The following KCNJ4 variants were observed in gnomAD, a reference collection of about 807,000 sequenced individuals.
The protein encoded by KCNJ4 is inward rectifier potassium channel 4.
KCNJ4 carries 3 observed loss-of-function variants against 25.6 expected under a neutral mutation model. That is an observed-to-expected ratio of 0.12 (90% confidence interval 0.05 to 0.30). The LOEUF (loss-of-function observed/expected upper bound fraction) is 0.30, where lower values mean the gene tolerates loss of function less well. Ranked by LOEUF, KCNJ4 falls within the 10% of genes least tolerant of loss-of-function variation. The pLI is 1.00. For synonymous variants in KCNJ4, 257 were observed against 283.9 expected (o/e 0.91, Z 0.95); for missense variants, 286 against 666.8 (o/e 0.43, Z 6.29).
chr22:38,434,553 G>A (rs563000055), intron 1 of KCNJ4, among the ~76,000 whole-genome samples: 1 of 152,142 alleles, frequency 6.6e-6, no homozygotes, highest in African/African-American at 2.4e-5. Context: ...AATCTAACTT[G>A]AGTCTGACTA....
intron 1 of KCNJ4, among the ~76,000 whole-genome samples, chr22:38,442,544 CAAAAA>C (rs10631730): frequency 1.1e-5 from 1 of 93,938 alleles, no homozygotes; most frequent in Non-Finnish European, 2.0e-5. Flanking sequence ...AAGACTCCAT[CAAAAA>C]AAAAAAAAAA....
chr22:38,448,910 T>C (rs1314702180), intron 1 of KCNJ4, among the ~76,000 whole-genome samples: 1 of 152,152 alleles, frequency 6.6e-6, no homozygotes, highest in Non-Finnish European at 1.5e-5. Flanking sequence ...TCTGCCCTGC[T>C]GGGGGCCCCC....
intron 1 of KCNJ4, among the ~76,000 whole-genome samples, chr22:38,432,396 A>G (rs914388012): frequency 2.6e-5 from 4 of 152,178 alleles, no homozygotes; most frequent in African/African-American, 9.7e-5. Flanking sequence ...ATTTGCTTGC[A>G]TGGAATGTGC....
In KCNJ4 at chr22:38,427,043, G is replaced by T; in HGVS notation, c.1090C>A (p.Pro364Thr). 6.2e-7 allele frequency: 1 copy of T among 1,612,642 alleles called. No individual in the cohort carries two copies. ...QESKITVLPA[P>T]PPPPSAFCYE... ...CAGAAGGCACTGGGAGGGGGCGGTG[G>T]GGCGGGCAGCACGGTGATCTTACTC... is the stretch of plus-strand genomic sequence containing the variant. Residue 364 changes from proline to threonine, a missense_variant, in exon 2 of 2, where the codon CCA (proline) becomes ACA (threonine). Around this residue, in one of 11 missense-constraint regions of KCNJ4, gnomAD observed 36 missense variants for 100.1 expected, o/e 0.36. Transcript: ENST00000303592.
At position 38,426,660 on chromosome 22, in the gene KCNJ4, C is replaced by T. The variant is rs941946502; in HGVS notation, c.*135G>A. 3 of 1,180,772 alleles carry T rather than the reference C, an allele frequency of 2.5e-6. No individual in the cohort carries two copies. In the African/African-American group the frequency reaches 4.6e-5, roughly 18 times the overall value. 73.1% of individuals were successfully genotyped at this position (1,180,772 alleles called of 1,614,324 possible). A position where few individuals can be genotyped will look rare whatever the true frequency, so the allele number is the denominator to read the frequency against. ...AGTCAGGAGGAAGGGGTCCCCCAGT[C>T]TTTGAAACCCCCACCTTCCTCCAGA... On this transcript the variant is annotated 3_prime_UTR_variant, in exon 2 of 2. Transcript: ENST00000303592.
intron 1 of KCNJ4, among the ~76,000 whole-genome samples, chr22:38,445,046 C>T (rs780631089): frequency 6.6e-6 from 1 of 151,978 alleles, no homozygotes; most frequent in African/African-American, 2.4e-5. Context: ...GCTCCGTGCA[C>T]GCATGTGTGC....
In KCNJ4 at chr22:38,427,837, G is replaced by A. The variant is rs753352820; in HGVS notation, c.296C>T (p.Pro99Leu). Residue 99 changes from proline (P) to leucine (L), a missense_variant, in exon 2 of 2, where the codon CCG becomes CTG. Coordinates refer to ENST00000303592, the MANE Select transcript of KCNJ4 (RefSeq NM_152868.3). ...GGCTGCTCCGCCACCACCCGCCGCCGGGCCCCCCGCCGCAGGCACCCCTGG... is the reference window on the plus strand; with the variant it reads ...GGCTGCTCCGCCACCACCCGCCGCCAGGCCCCCCGCCGCAGGCACCCCTGG... ...ASPGVPAAGG[P>L]AAGGGGAAPV... is the part of the protein sequence containing the mutation. The A allele has an allele frequency of 9.9e-6, 16 of 1,608,920 alleles. No homozygotes were observed. Among genetic ancestry groups the A allele is most frequent in the African/African-American group, 2.7e-5 (2 of 74,800 alleles).
At position 38,426,727 on chromosome 22, in the gene KCNJ4, G is replaced by T. The variant is rs1320370611; in HGVS notation, c.*68C>A. On this transcript the variant is annotated 3_prime_UTR_variant, in exon 2 of 2. Coordinates refer to ENST00000303592, the MANE Select transcript of KCNJ4 (RefSeq NM_152868.3). ...GGTTGGCTCTGTCCTGAGTGTGGGAGGGGGTGTCCTGGCATCCCACCCCCG... is the reference window on the plus strand; with the variant it reads ...GGTTGGCTCTGTCCTGAGTGTGGGATGGGGTGTCCTGGCATCCCACCCCCG... The T allele has an allele frequency of 2.0e-6, 3 of 1,532,088 alleles. No individual in the cohort carries two copies. The highest frequency in any genetic ancestry group is 2.6e-6 in the Non-Finnish European group (3 of 1,133,352). 94.9% of individuals were successfully genotyped at this position (1,532,088 alleles called of 1,614,324 possible).
At position 38,443,956 on chromosome 22, in the gene KCNJ4, G is replaced by A. The variant is rs1045323286; in HGVS notation, c.-40+11024C>T. On this transcript the variant is annotated intron_variant, in intron 1 of 1. Transcript: ENST00000303592. This position sits in a 1 kb window ranked among gnomAD's most constrained non-coding sequence, Gnocchi z 4.1. ...ACCACGGGAAGAGACCTTCCTTCCC[G>A]TCCCTTTAACGCACCAAGTTTATTC... Among the ~76,000 whole-genome samples, 2 of 151,966 alleles carry A rather than the reference G, an allele frequency of 1.3e-5. No individual in the cohort carries two copies. The highest frequency in any genetic ancestry group is 2.1e-4 in the South Asian group (1 of 4,818).
At chr22:38,454,637 C>T (rs2145952232) in intron 1 of KCNJ4, among the ~76,000 whole-genome samples, 1 of 152,286 alleles carries the variant, frequency 6.6e-6, no homozygotes, top group African/African-American at 2.4e-5. Flanking sequence ...CACAAGTCAC[C>T]TGCCTTGAAG....
Position 38,435,231 on chromosome 22 carries a change from C to T in KCNJ4, c.-39-7060G>A, listed in dbSNP as rs570748811. 1.1e-4 allele frequency among the ~76,000 whole-genome samples: 16 copies of T among 152,264 alleles called. 1 individual carries two copies. The East Asian group carries it at 1.5e-3, about 15-fold the overall frequency. ...GGGGCGCTCCTGAGTCTCCTTAGCC[C>T]CAGCCATCCCTGAGCCCTCCTGGGC... On this transcript the variant is annotated intron_variant, in intron 1 of 1. Transcript: ENST00000303592.
intron 1 of KCNJ4, among the ~76,000 whole-genome samples, chr22:38,428,739 G>A (rs1028976088): frequency 2.6e-5 from 4 of 152,168 alleles, no homozygotes; most frequent in Non-Finnish European, 5.9e-5. Context: ...GGAGCCACAT[G>A]TGGTCAACGG....
At chr22:38,439,001 G>T (rs196077) in intron 1 of KCNJ4, among the ~76,000 whole-genome samples, 106,445 of 152,204 alleles carry the variant, frequency 0.7, 38,136 homozygotes, top group East Asian at 0.93. Flanking sequence ...GTCCCAGCAC[G>T]TTGGGAGGCA....
At chr22:38,430,938 C>T (rs1340205351) in intron 1 of KCNJ4, among the ~76,000 whole-genome samples, 1 of 152,218 alleles carries the variant, frequency 6.6e-6, no homozygotes, top group African/African-American at 2.4e-5. Context: ...CAAGGCCTCA[C>T]CCCCACCCCA....
At chr22:38,431,521 C>G (rs2145933795) in intron 1 of KCNJ4, among the ~76,000 whole-genome samples, 1 of 152,334 alleles carries the variant, frequency 6.6e-6, no homozygotes. Flanking sequence ...GTGTCCTGAG[C>G]CCTTGCTATG....
intron 1 of KCNJ4, among the ~76,000 whole-genome samples, chr22:38,439,952 A>G (rs1359179283): frequency 5.1e-4 from 68 of 134,446 alleles, no homozygotes; most frequent in African/African-American, 1.8e-3. Context: ...TTAGCCGGGC[A>G]TGGTGGCGGG....
chr22:38,439,685 G>A (rs1283779235), intron 1 of KCNJ4, among the ~76,000 whole-genome samples: 1 of 149,048 alleles, frequency 6.7e-6, no homozygotes, highest in Admixed American at 6.8e-5. Flanking sequence ...TGAGGCAGGA[G>A]AATGGCATGA....
intron 1 of KCNJ4, among the ~76,000 whole-genome samples, chr22:38,434,155 C>T (rs927565061): frequency 3.3e-5 from 5 of 152,214 alleles, no homozygotes; most frequent in East Asian, 1.9e-4. Context: ...AGGAAGCTCA[C>T]GCCTAGAGAG....
In KCNJ4 at chr22:38,426,962, C is replaced by T. The variant is rs757178172; in HGVS notation, c.1171G>A (p.Ala391Thr). Reference sequence around the variant, plus strand: ...GCGGCCACCGCGGCCGCCGCAGCTGCCTCCTCCTCCATCTCCTCTTCCTCC... The same window carrying T: ...GCGGCCACCGCGGCCGCCGCAGCTGTCTCCTCCTCCATCTCCTCTTCCTCC... ...SQEEEEMEEE[A>T]AAAAAVAAGL... Residue 391 changes from alanine to threonine, a missense_variant, in exon 2 of 2, where the codon GCA becomes ACA. Physicochemically the swap from Ala to Thr is moderately conservative, Grantham distance 58 (BLOSUM62 0). Around this residue, in one of 11 missense-constraint regions of KCNJ4, gnomAD observed 77 missense variants for 97.6 expected, o/e 0.79. Transcript: ENST00000303592. The T allele has an allele frequency of 1.2e-6, 2 of 1,612,764 alleles. No homozygotes were observed. The highest frequency in any genetic ancestry group is 2.2e-5 in the East Asian group (1 of 44,852).
Sources: allele counts gnomAD v4.1 joint callset (sites outside exome capture counted in the v4.1 genomes callset), GRCh38; gene constraint gnomAD v4.1.1; regional missense constraint gnomAD v4.1.1; non-coding constraint Gnocchi (gnomAD v3.1); transcripts MANE v1.5; gene names NCBI Gene and HGNC (gene_info 2026-07-23, HGNC 2026-07-21).